Variants in TDRD9 observed in about 807,000 individuals in gnomAD.
TDRD9 encodes tudor domain containing 9, also known as ATP-dependent RNA helicase TDRD9.
A neutral mutation model predicts 172.6 loss-of-function variants in TDRD9; 124 were observed. The observed-to-expected ratio is 0.72, with a 90% CI of 0.62 to 0.83. The LOEUF (loss-of-function observed/expected upper bound fraction) is 0.83, where lower values mean the gene tolerates loss of function less well. Among genes scored for constraint, TDRD9 ranks in the 40% least tolerant of loss-of-function variants. The pLI is 0.00. For missense variants in TDRD9, 1,479 were observed against 1,714.1 expected, an observed-to-expected ratio of 0.86 and a Z score of 2.42; for synonymous variants, 619 against 617.1, an observed-to-expected ratio of 1.00 and a Z score of -0.05.
At position 104,026,722 on chromosome 14, in the gene TDRD9, C is replaced by A. The variant is rs752293121; in HGVS notation, c.3065C>A (p.Ser1022Tyr). 1 of 1,614,000 alleles carries A rather than the reference C, an allele frequency of 6.2e-7. No homozygotes were observed. Among genetic ancestry groups the A allele is most frequent in the Non-Finnish European group, 8.5e-7 (1 of 1,179,892 alleles). The change falls in exon 28 of 36, where the codon TCT becomes TAT. Residue 1022 changes from serine to tyrosine, a missense_variant. By Grantham distance (144) the Ser-to-Tyr change is moderately radical. Around this residue, in one of 3 missense-constraint regions of TDRD9, gnomAD observed 1,413 missense variants for 1,649.1 expected, o/e 0.86. Coordinates refer to ENST00000409874, the MANE Select transcript of TDRD9 (RefSeq NM_153046.3). ...KICKMRPSAK[S>Y]LVCGKHWSDG... is the part of the protein sequence containing the mutation. ...TGCAAAATGAGACCATCAGCAAAGT[C>A]TCTTGTTTGTGGCAAGCACTGGAGT... is the stretch of plus-strand genomic sequence containing the variant.
intron 8 of TDRD9, among the ~76,000 whole-genome samples, chr14:103,988,415 G>T (rs750905310): frequency 6.6e-6 from 1 of 152,008 alleles, no homozygotes; most frequent in Non-Finnish European, 1.5e-5. Context: ...CTCGTGATGC[G>T]CCCGCCTCGG....
At chr14:104,005,433 T>G in intron 15 of TDRD9, 28 bp downstream of exon 15, 2 of 1,613,438 alleles carry the variant, frequency 1.2e-6, no homozygotes, top group Non-Finnish European at 1.7e-6. Flanking sequence ...TTAGTACTGT[T>G]GGCATCTGTA....
intron 35 of TDRD9, among the ~76,000 whole-genome samples, chr14:104,050,730 G>T (rs1326239873): frequency 6.6e-6 from 1 of 152,216 alleles, no homozygotes; most frequent in African/African-American, 2.4e-5. Context: ...AGAGCTCCAT[G>T]GGCAAGGAGA....
intron 20 of TDRD9, among the ~76,000 whole-genome samples, chr14:104,012,064 C>T (rs1350836138): frequency 6.6e-6 from 1 of 152,220 alleles, no homozygotes; most frequent in Non-Finnish European, 1.5e-5. Flanking sequence ...GGAAGCTCAC[C>T]TGAGCCTTGG....
intron 13 of TDRD9, 62 bp downstream of exon 13, chr14:103,998,790 GC>G: frequency 1.2e-6 from 1 of 824,162 alleles, no homozygotes; most frequent in Non-Finnish European, 2.0e-6. Context: ...ACATTCAGGT[GC>G]TTTTTTTTTT....
intron 14 of TDRD9, 80 bp downstream of exon 14, chr14:104,004,415 C>G (rs2034369491): frequency 1.3e-6 from 1 of 791,186 alleles, no homozygotes; most frequent in Admixed American, 2.1e-5. Flanking sequence ...GAGTCTTGCA[C>G]TGTTGTCTGG....
intron 2 of TDRD9, among the ~76,000 whole-genome samples, chr14:103,960,366 C>G (rs576874775): frequency 7.6e-4 from 115 of 152,274 alleles, no homozygotes; most frequent in African/African-American, 2.7e-3. Flanking sequence ...GTGAAGAGAA[C>G]TAGCAATTTT....
At chr14:103,928,943 T>C (rs1402873702) in intron 1 of TDRD9, 1 of 242,750 alleles carries the variant, frequency 4.1e-6, no homozygotes, top group Non-Finnish European at 7.9e-6. Flanking sequence ...TTTTTTTTTT[T>C]TTCAGTTCTT....
At chr14:103,968,866 C>G (rs547613563) in intron 5 of TDRD9, among the ~76,000 whole-genome samples, 4 of 148,130 alleles carry the variant, frequency 2.7e-5, no homozygotes, top group African/African-American at 9.9e-5. Flanking sequence ...TTTGGGAGGC[C>G]GAGGTGGGCG....
At chr14:104,000,627 A>G (rs543250822) in intron 13 of TDRD9, among the ~76,000 whole-genome samples, 1 of 151,940 alleles carries the variant, frequency 6.6e-6, no homozygotes, top group Non-Finnish European at 1.5e-5. Context: ...TCTACTAAAA[A>G]TACAAAAATT....
At chr14:103,982,097 C>T (rs2033495194) in intron 7 of TDRD9, among the ~76,000 whole-genome samples, 1 of 151,706 alleles carries the variant, frequency 6.6e-6, no homozygotes, top group African/African-American at 2.4e-5. Context: ...CCAGCCGCGC[C>T]TCCTGGGTTT....
chr14:104,038,669 G>T (rs1048112402), intron 32 of TDRD9, among the ~76,000 whole-genome samples: 5 of 152,004 alleles, frequency 3.3e-5, no homozygotes, highest in African/African-American at 1.2e-4. Flanking sequence ...GGTGGCAGCT[G>T]TCCCTGTTTT....
chr14:104,012,709 T>G (rs1479182465), intron 20 of TDRD9, among the ~76,000 whole-genome samples: 1 of 152,146 alleles, frequency 6.6e-6, no homozygotes, highest in East Asian at 1.9e-4. Flanking sequence ...ATAATTTCTT[T>G]TAGTGTTGGT....
intron 7 of TDRD9, among the ~76,000 whole-genome samples, chr14:103,982,094 C>T (rs879237571): frequency 2.6e-5 from 4 of 152,290 alleles, no homozygotes; most frequent in Admixed American, 6.5e-5. Flanking sequence ...GCACCAGCCG[C>T]GCCTCCTGGG....
intron 6 of TDRD9, among the ~76,000 whole-genome samples, chr14:103,974,369 C>T (rs1402764950): frequency 6.6e-6 from 1 of 152,194 alleles, no homozygotes; most frequent in Non-Finnish European, 1.5e-5. Context: ...TTTCTCCTGG[C>T]ACGTCTCGGG....
chr14:103,939,679 T>A (rs2031057772), intron 1 of TDRD9: 3 of 117,714 alleles, frequency 2.5e-5, no homozygotes, highest in Non-Finnish European at 5.0e-5. Context: ...TTAGGAGGGT[T>A]TTTTTTTTTT....
At chr14:104,010,178 C>T (rs907900450) in intron 20 of TDRD9, among the ~76,000 whole-genome samples, 2 of 152,098 alleles carry the variant, frequency 1.3e-5, no homozygotes, top group African/African-American at 2.4e-5. Context: ...AACTCCTGAC[C>T]TTGTGATCTG....
chr14:104,050,628 C>T (rs1175484381), intron 35 of TDRD9, among the ~76,000 whole-genome samples: 1 of 152,204 alleles, frequency 6.6e-6, no homozygotes, highest in Non-Finnish European at 1.5e-5. Context: ...GTTGCTCCTG[C>T]TGTGAGGCTC....
intron 30 of TDRD9, among the ~76,000 whole-genome samples, chr14:104,032,894 C>G (rs761482805): frequency 1.3e-5 from 2 of 152,134 alleles, no homozygotes; most frequent in Non-Finnish European, 2.9e-5. Flanking sequence ...TGGAGCTTTT[C>G]CAGAGAAATC....
Sources: gnomAD v4.1 joint callset for allele counts (sites outside exome capture counted in the v4.1 genomes callset) on GRCh38, gnomAD v4.1.1 for gene constraint, gnomAD v4.1.1 regional missense constraint, MANE v1.5 for transcripts, NCBI Gene and HGNC (gene_info 2026-07-23, HGNC 2026-07-21) for gene names.